PTPRD: variants seen among roughly 807,000 people sequenced by gnomAD.
The protein encoded by PTPRD is receptor-type tyrosine-protein phosphatase delta.
Under a neutral mutation model 214.5 loss-of-function variants are expected in PTPRD, and 34 were observed. The ratio of observed to expected loss-of-function variants is 0.16; its 90% CI spans 0.12 to 0.21. The LOEUF (loss-of-function observed/expected upper bound fraction) is 0.21. Among genes scored for constraint, PTPRD ranks in the 10% least tolerant of loss-of-function variants. The probability of loss-of-function intolerance (pLI) is 1.00; values close to 1 mark genes in which losing one functional copy is unlikely to be tolerated. For missense variants in PTPRD, 2,545 were observed against 2,398.7 expected, an observed-to-expected ratio of 1.06 and a Z score of -1.27; for synonymous variants, 1,128 against 845.7, an observed-to-expected ratio of 1.33 and a Z score of -5.79.
At chr9:10,218,389 T>C (rs1448607909) in intron 3 of PTPRD, among the ~76,000 whole-genome samples, 1 of 151,900 alleles carries the variant, frequency 6.6e-6, no homozygotes, top group African/African-American at 2.4e-5. Flanking sequence ...TAAAATATAG[T>C]TTTTAGAATA....
At chr9:9,796,255 C>T (rs552568865) in intron 5 of PTPRD, among the ~76,000 whole-genome samples, 1 of 152,202 alleles carries the variant, frequency 6.6e-6, no homozygotes, top group African/African-American at 2.4e-5. Flanking sequence ...TGAAGATAAA[C>T]TTGCTAATAC....
intron 3 of PTPRD, among the ~76,000 whole-genome samples, chr9:10,080,034 G>T (rs554072829): frequency 3.3e-5 from 5 of 150,936 alleles, no homozygotes; most frequent in Admixed American, 6.6e-5. Flanking sequence ...TAACAGCAGA[G>T]AACATAACTT....
chr9:9,773,219 C>T (rs2098767781), intron 5 of PTPRD, among the ~76,000 whole-genome samples: 2 of 152,168 alleles, frequency 1.3e-5, no homozygotes, highest in Admixed American at 6.5e-5. Context: ...TCCTCATCCC[C>T]CCAAATGAAT....
At position 10,171,112 on chromosome 9, in the gene PTPRD, T is replaced by C. The variant is rs530414697; in HGVS notation, c.-544-137322A>G. On this transcript the variant is annotated intron_variant, in intron 3 of 45. Coordinates refer to ENST00000381196, the MANE Select transcript of PTPRD (RefSeq NM_002839.4). ...AACAATGTACATTTATAAAGCCCCA[T>C]TTACTGCAGAAGTGAATTAAGTATT... is the stretch of plus-strand genomic sequence containing the variant. Among the ~76,000 whole-genome samples, 8 of 152,302 alleles carry C rather than the reference T, an allele frequency of 5.3e-5. No individual in the cohort carries two copies. The East Asian group carries it at 9.7e-4, about 18-fold the overall frequency.
chr9:10,221,360 A>G (rs778622918), intron 3 of PTPRD, among the ~76,000 whole-genome samples: 1 of 152,064 alleles, frequency 6.6e-6, no homozygotes, highest in Non-Finnish European at 1.5e-5. Context: ...TTTATATGAT[A>G]TGGAAAAAAT....
At chr9:8,368,562 A>T (rs746949339) in intron 39 of PTPRD, among the ~76,000 whole-genome samples, 5 of 152,092 alleles carry the variant, frequency 3.3e-5, no homozygotes, top group Non-Finnish European at 7.4e-5. Context: ...CTTCTTTTCA[A>T]ATAAATTCTG....
At chr9:9,099,407 T>C (rs923704122) in intron 10 of PTPRD, among the ~76,000 whole-genome samples, 1 of 152,146 alleles carries the variant, frequency 6.6e-6, no homozygotes, top group Non-Finnish European at 1.5e-5. Context: ...GCTAATCATG[T>C]TTGTCTTGAA....
At chr9:9,980,611 A>C (rs866472959) in intron 4 of PTPRD, among the ~76,000 whole-genome samples, 1 of 27,854 alleles carries the variant, frequency 3.6e-5, no homozygotes, top group African/African-American at 1.3e-4. Context: ...ACCTTGTCAA[A>C]AAAAAACAAA....
chr9:9,184,025 T>C (rs1343481255), intron 9 of PTPRD, among the ~76,000 whole-genome samples: 2 of 152,138 alleles, frequency 1.3e-5, no homozygotes, highest in Non-Finnish European at 2.9e-5. Flanking sequence ...TTCATTTTTG[T>C]ATTGTTTTCA....
chr9:10,289,052 C>A (rs1436399372), intron 3 of PTPRD, among the ~76,000 whole-genome samples: 1 of 147,550 alleles, frequency 6.8e-6, no homozygotes, highest in African/African-American at 2.5e-5. Context: ...CTTTTTGTTT[C>A]TCTTTTATAT....
At chr9:9,149,350 T>C (rs1474054698) in intron 10 of PTPRD, among the ~76,000 whole-genome samples, 1 of 152,188 alleles carries the variant, frequency 6.6e-6, no homozygotes, top group African/African-American at 2.4e-5. Context: ...ATATTTGCAA[T>C]GTAGTGGTGG....
chr9:9,746,705 G>T (rs891620905), intron 6 of PTPRD, among the ~76,000 whole-genome samples: 2 of 152,070 alleles, frequency 1.3e-5, no homozygotes, highest in African/African-American at 4.8e-5. Context: ...GAACCCAGCA[G>T]GCAATAATAT....
chr9:10,087,128 T>C (rs13293470), intron 3 of PTPRD, among the ~76,000 whole-genome samples: 13,357 of 136,720 alleles, frequency 0.098, 702 homozygotes, highest in Non-Finnish European at 0.13. Flanking sequence ...TTCTCAAATA[T>C]GTTTTAGAGT....
intron 10 of PTPRD, among the ~76,000 whole-genome samples, chr9:9,032,322 T>C (rs1351693943): frequency 1.3e-5 from 2 of 152,182 alleles, no homozygotes; most frequent in East Asian, 3.9e-4. Context: ...GGCATTGCTG[T>C]CTTCATGCTG....
chr9:10,149,686 G>A (rs991286389), intron 3 of PTPRD, among the ~76,000 whole-genome samples: 2 of 151,444 alleles, frequency 1.3e-5, no homozygotes, highest in Non-Finnish European at 2.9e-5. Context: ...ATAAAACTGT[G>A]GACAATTCAA....
At chr9:10,152,557 G>C (rs1168157303) in intron 3 of PTPRD, among the ~76,000 whole-genome samples, 6 of 152,198 alleles carry the variant, frequency 3.9e-5, no homozygotes, top group African/African-American at 1.4e-4. Flanking sequence ...CAGGTGTGGT[G>C]GCTCACGCTT....
At chr9:8,831,571 G>C (rs1296093454) in intron 11 of PTPRD, among the ~76,000 whole-genome samples, 1 of 152,052 alleles carries the variant, frequency 6.6e-6, no homozygotes, top group Non-Finnish European at 1.5e-5. Flanking sequence ...AAACAACTGG[G>C]TGAGCAATAT....
At chr9:8,756,419 G>C (rs929840596) in intron 11 of PTPRD, among the ~76,000 whole-genome samples, 1 of 152,086 alleles carries the variant, frequency 6.6e-6, no homozygotes, top group Non-Finnish European at 1.5e-5. Context: ...AACATGCATG[G>C]AATAATCTTA....
At chr9:8,530,553 A>G (rs933595284) in intron 14 of PTPRD, among the ~76,000 whole-genome samples, 2 of 152,074 alleles carry the variant, frequency 1.3e-5, no homozygotes, top group Non-Finnish European at 2.9e-5. Flanking sequence ...CCTCCACACC[A>G]GGAGTTCTTC....
Sources: gnomAD v4.1 joint callset for allele counts (sites outside exome capture counted in the v4.1 genomes callset) on GRCh38, gnomAD v4.1.1 for gene constraint, MANE v1.5 for transcripts, NCBI Gene and HGNC (gene_info 2026-07-23, HGNC 2026-07-21) for gene names.